MBOAT1: variants seen among roughly 807,000 people sequenced by gnomAD.
MBOAT1 encodes membrane bound glycerophospholipid O-acyltransferase 1, also known as membrane-bound glycerophospholipid O-acyltransferase 1.
Under a neutral mutation model 64.4 loss-of-function variants are expected in MBOAT1, and 67 were observed. The ratio of observed to expected loss-of-function variants is 1.04; its 90% CI spans 0.85 to 1.27. The LOEUF (loss-of-function observed/expected upper bound fraction) is 1.27, where lower values mean the gene tolerates loss of function less well. Ranked by LOEUF, MBOAT1 falls within the 50% of genes most tolerant of loss-of-function variation. The pLI is 0.00. For synonymous variants in MBOAT1, 229 were observed against 218.9 expected (o/e 1.05, Z -0.41); for missense variants, 563 against 604.6 (o/e 0.93, Z 0.72).
chr6:20,167,112 G>A (rs986696167), intron 1 of MBOAT1, among the ~76,000 whole-genome samples: 1 of 152,174 alleles, frequency 6.6e-6, no homozygotes, highest in African/African-American at 2.4e-5. Flanking sequence ...TAGGAGGAAA[G>A]CAGAGTGTTG....
intron 11 of MBOAT1, among the ~76,000 whole-genome samples, chr6:20,110,992 G>A (rs1437094591): frequency 6.6e-6 from 1 of 152,140 alleles, no homozygotes; most frequent in East Asian, 1.9e-4. Flanking sequence ...CTTACTCTGT[G>A]CCAAGCCTGT....
intron 1 of MBOAT1, among the ~76,000 whole-genome samples, chr6:20,164,734 C>A (rs1354487556): frequency 3.3e-5 from 5 of 152,168 alleles, no homozygotes; most frequent in Admixed American, 6.5e-5. Context: ...AAGAAAGAGG[C>A]AGCTTAGCGA....
intron 1 of MBOAT1, among the ~76,000 whole-genome samples, chr6:20,174,892 A>G (rs1174068210): frequency 1.3e-5 from 2 of 152,218 alleles, no homozygotes; most frequent in African/African-American, 4.8e-5. Flanking sequence ...ATGACTTCTT[A>G]AAGTTCTTTG....
chr6:20,157,485 T>A (rs952481935), intron 1 of MBOAT1, among the ~76,000 whole-genome samples: 6 of 152,150 alleles, frequency 3.9e-5, no homozygotes, highest in Non-Finnish European at 7.3e-5. Flanking sequence ...TCTAGGCAAA[T>A]TTTTTTGTAA....
chr6:20,199,803 A>G (rs948456040), intron 1 of MBOAT1, among the ~76,000 whole-genome samples: 6 of 152,080 alleles, frequency 3.9e-5, no homozygotes, highest in Non-Finnish European at 8.8e-5. Context: ...CCCTGTCTCT[A>G]CTAAAAATAC....
At chr6:20,185,726 T>C (rs1490334316) in intron 1 of MBOAT1, among the ~76,000 whole-genome samples, 1 of 152,336 alleles carries the variant, frequency 6.6e-6, no homozygotes, top group East Asian at 1.9e-4. Flanking sequence ...TATTTTATTC[T>C]CTAGGGTCCA....
At chr6:20,170,138 G>C (rs928294164) in intron 1 of MBOAT1, among the ~76,000 whole-genome samples, 4 of 152,148 alleles carry the variant, frequency 2.6e-5, no homozygotes, top group African/African-American at 9.7e-5. Flanking sequence ...CCCCTGCAAT[G>C]ATGATGCCCT....
In MBOAT1 at chr6:20,124,592, C is replaced by T. The variant is rs1760597517; in HGVS notation, c.723G>A (p.Val241=). ...CCAAGGTGATGCCCAACTTGTGTAT[C>T]ACAGCTCCCTGAAAATGGGGAAAAA... The part of the protein sequence containing the change: ...SLPEPSPTGA[V]IHKLGITLVS... The change falls in exon 8 of 13, where the codon GTG becomes GTA. Residue 241 remains valine, a synonymous_variant. Coordinates refer to ENST00000324607, the MANE Select transcript of MBOAT1 (RefSeq NM_001080480.3). The T allele has an allele frequency of 6.2e-7, 1 of 1,613,784 alleles. No homozygotes were observed. The highest frequency in any genetic ancestry group is 1.3e-5 in the African/African-American group (1 of 74,916).
chr6:20,166,554 CAG>C (rs917587355), intron 1 of MBOAT1, among the ~76,000 whole-genome samples: 5 of 152,234 alleles, frequency 3.3e-5, no homozygotes, highest in South Asian at 2.1e-4. Flanking sequence ...GCTCCCTGCA[CAG>C]AGTTGTTGCA....
At chr6:20,167,089 T>C (rs1027069316) in intron 1 of MBOAT1, among the ~76,000 whole-genome samples, 3 of 152,212 alleles carry the variant, frequency 2.0e-5, no homozygotes, top group African/African-American at 7.2e-5. Flanking sequence ...TATTTCCAAA[T>C]TGGTTCCACA....
intron 1 of MBOAT1, among the ~76,000 whole-genome samples, chr6:20,171,795 AG>A (rs1254528567): frequency 6.6e-6 from 1 of 152,164 alleles, no homozygotes; most frequent in Non-Finnish European, 1.5e-5. Flanking sequence ...CTACTTTGGG[AG>A]GCCAAGGCGA....
intron 1 of MBOAT1, among the ~76,000 whole-genome samples, chr6:20,169,025 C>T (rs1686036300): frequency 6.6e-6 from 1 of 152,066 alleles, no homozygotes; most frequent in South Asian, 2.1e-4. Flanking sequence ...TCCTAAACAA[C>T]AACAACAAAA....
chr6:20,167,931 G>T (rs1419762323), intron 1 of MBOAT1, among the ~76,000 whole-genome samples: 1 of 152,148 alleles, frequency 6.6e-6, no homozygotes, highest in Non-Finnish European at 1.5e-5. Flanking sequence ...AAGGAGAAAA[G>T]CTCAAAGTCA....
intron 1 of MBOAT1, among the ~76,000 whole-genome samples, chr6:20,172,985 G>C (rs902031174): frequency 1.3e-5 from 2 of 152,242 alleles, no homozygotes; most frequent in South Asian, 2.1e-4. Flanking sequence ...TGCTGTTCTC[G>C]TGATAGTGAG....
intron 1 of MBOAT1, among the ~76,000 whole-genome samples, chr6:20,175,869 G>A (rs1762329763): frequency 6.6e-6 from 1 of 152,146 alleles, no homozygotes; most frequent in South Asian, 2.1e-4. Flanking sequence ...CTCCCAAAGT[G>A]CTAGGATCAC....
chr6:20,123,606 T>TA (rs547305319), intron 8 of MBOAT1, among the ~76,000 whole-genome samples: 1,832 of 137,504 alleles, frequency 0.013, 33 homozygotes, highest in African/African-American at 0.041. Context: ...ACTTTCTACC[T>TA]AAAAAAAAAA....
chr6:20,120,428 G>T (rs2113643674), intron 8 of MBOAT1, among the ~76,000 whole-genome samples: 1 of 152,158 alleles, frequency 6.6e-6, no homozygotes, highest in South Asian at 2.1e-4. Context: ...GTAACCGCTG[G>T]GATGACGAAA....
chr6:20,173,778 CT>C (rs1400663869), intron 1 of MBOAT1, among the ~76,000 whole-genome samples: 2 of 151,996 alleles, frequency 1.3e-5, no homozygotes, highest in Non-Finnish European at 2.9e-5. Context: ...TGATGAAACC[CT>C]GTCTCTACTA....
intron 11 of MBOAT1, among the ~76,000 whole-genome samples, chr6:20,112,277 A>C (rs1760193375): frequency 6.6e-6 from 1 of 152,090 alleles, no homozygotes; most frequent in Admixed American, 6.6e-5. Context: ...CTCTACAACA[A>C]GCAAATTGCA....
Sources: allele counts gnomAD v4.1 joint callset (sites outside exome capture counted in the v4.1 genomes callset), GRCh38; gene constraint gnomAD v4.1.1; transcripts MANE v1.5; gene names NCBI Gene and HGNC (gene_info 2026-07-23, HGNC 2026-07-21).